Variants in SMIM15 observed in about 807,000 individuals in gnomAD.
The protein encoded by SMIM15 is UPF0542 protein C5orf43.
Under a neutral mutation model 6.8 loss-of-function variants are expected in SMIM15, and 5 were observed. That is an observed-to-expected ratio of 0.74 (90% confidence interval 0.39 to 1.56). The LOEUF is 1.56. SMIM15 is among the 40% of genes most tolerant of loss of function. SMIM15 has a pLI of 0.03. For missense variants in SMIM15, 81 were observed against 84.8 expected (o/e 0.96, Z 0.18); for synonymous variants, 30 against 30.8 (o/e 0.97, Z 0.09).
rs912182072 is a variant in SMIM15, at chr5:61,162,072, A to G, written c.-169+145T>C. ...GAATAAATCCTACTCTTCCGCCCAA[A>G]ACGGATCGACCAGGCTCGATCTCCC... On this transcript the variant is annotated intron_variant, in intron 1 of 2. Transcript: ENST00000339020. This position sits in a 1 kb window ranked among gnomAD's most constrained non-coding sequence, Gnocchi z 4.4. 10 of 152,148 alleles carry G rather than the reference A, an allele frequency of 6.6e-5. No homozygotes were observed. Among genetic ancestry groups the G allele is most frequent in the Non-Finnish European group, 2.9e-5 (2 of 68,092 alleles). The allele number at this position is 152,148 out of a possible 1,614,324, so 9.4% of individuals were successfully genotyped here. A position where few individuals can be genotyped will look rare whatever the true frequency, so the allele number is the denominator to read the frequency against.
rs779606155 is a variant in SMIM15 at position 61,160,032 on chromosome 5, AT to A, written c.139del (p.Met47Ter). 2 of 1,614,078 alleles carry A rather than the reference AT, an allele frequency of 1.2e-6. No homozygotes were observed. Among genetic ancestry groups the A allele is most frequent in the Non-Finnish European group, 1.7e-6 (2 of 1,180,012 alleles). ...TTGCTCCTTCTCCCTGGCCTCAATC[AT>A]CTTGGCCAATTTCCAAGACAGTACA... is the stretch of plus-strand genomic sequence containing the variant. ...SAVLSWKLAK[M>X]IEAREKEQKK... On this transcript the variant is annotated frameshift_variant, in exon 3 of 3. Coordinates refer to ENST00000339020, the MANE Select transcript of SMIM15 (RefSeq NM_001048249.4). LOFTEE classifies it high-confidence loss of function.
At position 61,157,990 on chromosome 5, in the gene SMIM15, T is replaced by TACACACACACACACACACACACACACAC; in HGVS notation, c.*1929_*1956dup. The TACACACACACACACACACACACACACAC allele has an allele frequency of 7.2e-6, 1 of 139,576 alleles. No homozygotes were observed. The highest frequency in any genetic ancestry group is 2.1e-4 in the East Asian group (1 of 4,726). 8.6% of individuals were successfully genotyped at this position (139,576 alleles called of 1,614,324 possible). ...CAATATTCTCTATACTCCAGCCCCT[T>TACACACACACACACACACACACACACAC]ACACACACACACACACACACACACA... is the stretch of plus-strand genomic sequence containing the variant. On this transcript the variant is annotated 3_prime_UTR_variant, in exon 3 of 3. Transcript: ENST00000339020.
rs1741385413 is a variant in SMIM15 at position 61,159,997 on chromosome 5, GCTT to G, written c.172_174del (p.Lys58del). 1 of 1,613,096 alleles carries G rather than the reference GCTT, an allele frequency of 6.2e-7. No homozygotes were observed. Among genetic ancestry groups the G allele is most frequent in the Non-Finnish European group, 8.5e-7 (1 of 1,179,812 alleles). On this transcript the variant is annotated inframe_deletion, in exon 3 of 3. Coordinates refer to ENST00000339020, the MANE Select transcript of SMIM15 (RefSeq NM_001048249.4). The stretch of plus-strand genomic sequence containing the variant: ...TTTGCAATGTTTTCTTGGCGTTTTT[GCTT>G]CTTCTTTTGCTCCTTCTCCCTGGCC...
chr5:61,158,904 A>C lies in SMIM15; in HGVS notation c.*1043T>G, dbSNP rs1376594983. 1 of 152,210 alleles carries C rather than the reference A, an allele frequency of 6.6e-6. No individual in the cohort carries two copies. The highest frequency in any genetic ancestry group is 1.5e-5 in the Non-Finnish European group (1 of 68,024). The allele number at this position is 152,210 out of a possible 1,614,324, so 9.4% of individuals were successfully genotyped here. A position where few individuals can be genotyped will look rare whatever the true frequency, so the allele number is the denominator to read the frequency against. On this transcript the variant is annotated 3_prime_UTR_variant, in exon 3 of 3. Coordinates refer to ENST00000339020, the MANE Select transcript of SMIM15 (RefSeq NM_001048249.4). ...TTTTCACCCAATCACTACTATGCCC[A>C]ACAAAATGTTTCCAAATTTTATACC...
Position 61,159,732 on chromosome 5 carries a change from C to T in SMIM15, c.*215G>A. 2 of 573,886 alleles carry T rather than the reference C, an allele frequency of 3.5e-6. No homozygotes were observed. The highest frequency in any genetic ancestry group is 3.0e-5 in the East Asian group (1 of 33,156). 35.5% of individuals were successfully genotyped at this position (573,886 alleles called of 1,614,324 possible). On this transcript the variant is annotated 3_prime_UTR_variant, in exon 3 of 3. Transcript: ENST00000339020. ...TTGTACCACAGTAAATGCTAATTTA[C>T]AATAACTGTCAATAGAAACCTATAA...
At position 61,159,713 on chromosome 5, in the gene SMIM15, C is replaced by T. The variant is rs1294193928; in HGVS notation, c.*234G>A. ...TAAGTCAGTTATAAAGAATTTGTACCACAGTAAATGCTAATTTACAATAAC... is the reference window on the plus strand; with the variant it reads ...TAAGTCAGTTATAAAGAATTTGTACTACAGTAAATGCTAATTTACAATAAC... On this transcript the variant is annotated 3_prime_UTR_variant, in exon 3 of 3. Transcript: ENST00000339020. 10 of 530,272 alleles carry T rather than the reference C, an allele frequency of 1.9e-5. No homozygotes were observed. Among genetic ancestry groups the T allele is most frequent in the African/African-American group, 1.3e-4 (7 of 52,468 alleles). 32.8% of individuals were successfully genotyped at this position (530,272 alleles called of 1,614,324 possible). A position where few individuals can be genotyped will look rare whatever the true frequency, so the allele number is the denominator to read the frequency against.
At position 61,159,804 on chromosome 5, in the gene SMIM15, C is replaced by G; in HGVS notation, c.*143G>C. 1 of 927,436 alleles carries G rather than the reference C, an allele frequency of 1.1e-6. No individual in the cohort carries two copies. The highest frequency in any genetic ancestry group is 1.6e-6 in the Non-Finnish European group (1 of 625,742). The allele number at this position is 927,436 out of a possible 1,614,324, so 57.5% of individuals were successfully genotyped here. A position where few individuals can be genotyped will look rare whatever the true frequency, so the allele number is the denominator to read the frequency against. On this transcript the variant is annotated 3_prime_UTR_variant, in exon 3 of 3. Coordinates refer to ENST00000339020, the MANE Select transcript of SMIM15 (RefSeq NM_001048249.4). ...AGTTACTATAGTATTGAGGTCAGAA[C>G]TAACATGATTCTTCCATTTGGTCAA...
intron 2 of SMIM15, among the ~76,000 whole-genome samples, chr5:61,160,743 C>T (rs1402637277): frequency 6.6e-6 from 1 of 152,188 alleles, no homozygotes; most frequent in Admixed American, 6.5e-5. Flanking sequence ...GTAAGGGAGT[C>T]ATGACATCGC....
intron 2 of SMIM15, 99 bp downstream of exon 2, chr5:61,160,989 C>T (rs1337670414): frequency 4.6e-5 from 7 of 152,152 alleles, no homozygotes; most frequent in Admixed American, 1.3e-4. Flanking sequence ...TTGTGTCAAC[C>T]GCTATTCAAA....
Position 61,160,127 on chromosome 5 carries a change from A to G in SMIM15, c.45T>C (p.Ala15=). The change falls in exon 3 of 3, where the codon GCT becomes GCC. Residue 15 remains alanine, a synonymous_variant. Transcript: ENST00000339020. ...KAWAEYVVEW[A]AKDPYGFLTT... ...TAAGGAAGCCATAGGGGTCCTTTGC[A>G]GCCCATTCCACAACATACTCAGCCC... 6.2e-7 allele frequency: 1 copy of G among 1,614,194 alleles called. No homozygotes were observed. Among genetic ancestry groups the G allele is most frequent in the Non-Finnish European group, 8.5e-7 (1 of 1,180,014 alleles).
In SMIM15 at chr5:61,162,036, C is replaced by T. The variant is rs932370861; in HGVS notation, c.-169+181G>A. 6.6e-6 allele frequency: 1 copy of T among 152,358 alleles called. No individual in the cohort carries two copies. The highest frequency in any genetic ancestry group is 2.4e-5 in the African/African-American group (1 of 41,458). 9.4% of individuals were successfully genotyped at this position (152,358 alleles called of 1,614,324 possible). A position where few individuals can be genotyped will look rare whatever the true frequency, so the allele number is the denominator to read the frequency against. On this transcript the variant is annotated intron_variant, in intron 1 of 2. Transcript: ENST00000339020. This position sits in a 1 kb window ranked among gnomAD's most constrained non-coding sequence, Gnocchi z 4.4. ...CTTCGGACCCAAACGCTCGCGCCTC[C>T]ACACTTTCAGGAATAAATCCTACTC...
rs201138177 is a variant in SMIM15, at chr5:61,159,991, G to A, written c.181C>T (p.Arg61Cys). The A allele has an allele frequency of 6.3e-5, 101 of 1,613,694 alleles. No individual in the cohort carries two copies. Among genetic ancestry groups the A allele is most frequent in the Admixed American group, 2.7e-4 (16 of 60,004 alleles). ...TTAGCTTTTGCAATGTTTTCTTGGCGTTTTTGCTTCTTCTTTTGCTCCTTC... is the reference window on the plus strand; with the variant it reads ...TTAGCTTTTGCAATGTTTTCTTGGCATTTTTGCTTCTTCTTTTGCTCCTTC... Reference protein sequence around the residue: ...REKEQKKKQKRQENIAKAKRL... With the variant: ...REKEQKKKQKCQENIAKAKRL... Residue 61 changes from arginine to cysteine, a missense_variant, in exon 3 of 3, where the codon CGC (arginine) becomes TGC (cysteine). Arg to Cys is a radical substitution (Grantham distance 180, BLOSUM62 -3). Transcript: ENST00000339020.
chr5:61,159,468 C>T lies in SMIM15; in HGVS notation c.*479G>A, dbSNP rs1284347072. On this transcript the variant is annotated 3_prime_UTR_variant, in exon 3 of 3. Transcript: ENST00000339020. ...GCCAGAAATGATTCTAAGAAATAAA[C>T]AATAATAATAAAAGATGTAATTAAT... is the stretch of plus-strand genomic sequence containing the variant. 1 of 153,976 alleles carries T rather than the reference C, an allele frequency of 6.5e-6. No homozygotes were observed. Among genetic ancestry groups the T allele is most frequent in the Non-Finnish European group, 1.5e-5 (1 of 68,942 alleles). 9.5% of individuals were successfully genotyped at this position (153,976 alleles called of 1,614,324 possible).
At position 61,158,040 on chromosome 5, in the gene SMIM15, T is replaced by A; in HGVS notation, c.*1907A>T. ...ACACACACACTGTAAAGTATGAATC[T>A]CACATATATAGAAAGGCTCTCTAAA... On this transcript the variant is annotated 3_prime_UTR_variant, in exon 3 of 3. Coordinates refer to ENST00000339020, the MANE Select transcript of SMIM15 (RefSeq NM_001048249.4). 7.3e-6 allele frequency: 1 copy of A among 136,828 alleles called. No individual in the cohort carries two copies. The highest frequency in any genetic ancestry group is 1.6e-5 in the Non-Finnish European group (1 of 62,858). 8.5% of individuals were successfully genotyped at this position (136,828 alleles called of 1,614,324 possible). A position where few individuals can be genotyped will look rare whatever the true frequency, so the allele number is the denominator to read the frequency against.
At chr5:61,160,445 T>A (rs498497) in intron 2 of SMIM15, among the ~76,000 whole-genome samples, 6,615 of 152,250 alleles carry the variant, frequency 0.043, 175 homozygotes, top group South Asian at 0.08. Context: ...TTATAGAAGA[T>A]TTAAAAAAGC....
chr5:61,161,857 C>A (rs768953412), intron 1 of SMIM15, among the ~76,000 whole-genome samples: 1 of 152,154 alleles, frequency 6.6e-6, no homozygotes, highest in Non-Finnish European at 1.5e-5. Flanking sequence ...TACGACCTCA[C>A]CCATACAGTT....
Position 61,158,291 on chromosome 5 carries a change from CT to C in SMIM15, c.*1655del, listed in dbSNP as rs1427382212. ...CCTAAGTAAAACATGTACATAAATT[CT>C]TTCCATGAACAGCTTGATTGCAGAA... On this transcript the variant is annotated 3_prime_UTR_variant, in exon 3 of 3. Coordinates refer to ENST00000339020, the MANE Select transcript of SMIM15 (RefSeq NM_001048249.4). The C allele has an allele frequency of 6.6e-6, 1 of 152,028 alleles. No homozygotes were observed. The highest frequency in any genetic ancestry group is 1.5e-5 in the Non-Finnish European group (1 of 68,002). The allele number at this position is 152,028 out of a possible 1,614,324, so 9.4% of individuals were successfully genotyped here.
In SMIM15 at chr5:61,158,674, G is replaced by T. The variant is rs1367233380; in HGVS notation, c.*1273C>A. The T allele has an allele frequency of 2.0e-5, 3 of 150,758 alleles. No individual in the cohort carries two copies. Among genetic ancestry groups the T allele is most frequent in the Non-Finnish European group, 4.4e-5 (3 of 67,670 alleles). The allele number at this position is 150,758 out of a possible 1,614,324, so 9.3% of individuals were successfully genotyped here. A position where few individuals can be genotyped will look rare whatever the true frequency, so the allele number is the denominator to read the frequency against. On this transcript the variant is annotated 3_prime_UTR_variant, in exon 3 of 3. Transcript: ENST00000339020. ...AACTGTAGCTGCTAGACAATTTTTT[G>T]TAATTTAAAATTCATTAATGGGTAC...
Position 61,160,204 on chromosome 5 carries a change from G to A in SMIM15, c.-28-5C>T, listed in dbSNP as rs1320171852. 1.3e-6 allele frequency: 2 copies of A among 1,597,992 alleles called. No homozygotes were observed. Among genetic ancestry groups the A allele is most frequent in the East Asian group, 2.2e-5 (1 of 44,766 alleles). ...GCAGTCTTATGAAAACTGGGGCTGG[G>A]GGAGGCGGGTGGAGAACACAGAGGA... On this transcript the variant is annotated splice_region_variant and splice_polypyrimidine_tract_variant and intron_variant, in intron 2 of 2. Transcript: ENST00000339020.
Sources: allele counts gnomAD v4.1 joint callset (sites outside exome capture counted in the v4.1 genomes callset), GRCh38; gene constraint gnomAD v4.1.1; non-coding constraint Gnocchi (gnomAD v3.1); transcripts MANE v1.5; gene names NCBI Gene and HGNC (gene_info 2026-07-23, HGNC 2026-07-21).